The following ZFAND3 variants were observed in gnomAD, a reference collection of about 807,000 sequenced individuals.
ZFAND3 encodes the protein AN1-type zinc finger protein 3.
In ZFAND3, 10 loss-of-function variants were observed where a neutral mutation model predicts 29.6. That is an observed-to-expected ratio of 0.34 (90% confidence interval 0.21 to 0.57). The LOEUF (loss-of-function observed/expected upper bound fraction) is 0.57, where lower values mean the gene tolerates loss of function less well. ZFAND3 is among the 20% of genes least tolerant of loss of function. The probability of loss-of-function intolerance (pLI) is 0.86; values close to 1 mark genes in which losing one functional copy is unlikely to be tolerated. For missense variants in ZFAND3, 230 were observed against 304.5 expected, an observed-to-expected ratio of 0.76 and a Z score of 1.82; for synonymous variants, 128 against 112.6, an observed-to-expected ratio of 1.14 and a Z score of -0.87.
intron 2 of ZFAND3, among the ~76,000 whole-genome samples, chr6:37,996,139 AAAAG>A (rs1318519717): frequency 6.6e-6 from 1 of 152,282 alleles, no homozygotes; most frequent in African/African-American, 2.4e-5. Flanking sequence ...CAAAAAAAAA[AAAAG>A]AGACTCTTAT....
intron 1 of ZFAND3, among the ~76,000 whole-genome samples, chr6:37,896,582 CTCTT>C (rs1336261115): frequency 1.1e-5 from 1 of 92,814 alleles, no homozygotes; most frequent in Non-Finnish European, 2.2e-5. Flanking sequence ...CTCTTTCTCT[CTCTT>C]TCTCTTTTTC....
intron 2 of ZFAND3, among the ~76,000 whole-genome samples, chr6:38,060,788 T>TA (rs199975420): frequency 6.6e-6 from 1 of 151,540 alleles, no homozygotes; most frequent in Non-Finnish European, 1.5e-5. Flanking sequence ...CATTTTTTTT[T>TA]ATATACGATT....
intron 2 of ZFAND3, among the ~76,000 whole-genome samples, chr6:38,039,593 G>C (rs1763721877): frequency 6.6e-6 from 1 of 152,080 alleles, no homozygotes; most frequent in Non-Finnish European, 1.5e-5. Context: ...AACGAATTGA[G>C]GAAAAGCTAG....
chr6:38,022,422 A>G (rs1763369712), intron 2 of ZFAND3, among the ~76,000 whole-genome samples: 1 of 152,192 alleles, frequency 6.6e-6, no homozygotes, highest in Admixed American at 6.5e-5. Context: ...CTTCCTGGAG[A>G]CACTGTTTTA....
At chr6:37,942,988 T>C (rs1257997304) in intron 2 of ZFAND3, among the ~76,000 whole-genome samples, 1 of 152,166 alleles carries the variant, frequency 6.6e-6, no homozygotes, top group Non-Finnish European at 1.5e-5. Context: ...GTGACAGGTT[T>C]AGACAACATT....
chr6:38,012,583 T>C (rs1763177516), intron 2 of ZFAND3, among the ~76,000 whole-genome samples: 1 of 152,282 alleles, frequency 6.6e-6, no homozygotes, highest in South Asian at 2.1e-4. Flanking sequence ...TTCACCATAT[T>C]GGTCAGGCTG....
At chr6:37,880,312 C>T (rs1267253104) in intron 1 of ZFAND3, among the ~76,000 whole-genome samples, 1 of 152,196 alleles carries the variant, frequency 6.6e-6, no homozygotes, top group African/African-American at 2.4e-5. Flanking sequence ...AGGGATGTTG[C>T]AGCAATTCTT....
At chr6:37,884,192 AAT>A (rs1230010859) in intron 1 of ZFAND3, among the ~76,000 whole-genome samples, 2 of 145,312 alleles carry the variant, frequency 1.4e-5, no homozygotes. Context: ...GGAAAGTGAG[AAT>A]TGAGAATTAC....
chr6:38,147,926 AT>A (rs1766143630), intron 5 of ZFAND3, among the ~76,000 whole-genome samples: 2 of 151,638 alleles, frequency 1.3e-5, no homozygotes, highest in African/African-American at 2.4e-5. Context: ...TACCTGTTTG[AT>A]TATTTCCTTT....
chr6:38,124,690 C>T (rs11753391), intron 5 of ZFAND3, among the ~76,000 whole-genome samples: 10,389 of 152,148 alleles, frequency 0.068, 429 homozygotes, highest in Non-Finnish European at 0.087. Flanking sequence ...GGTTCCTGCC[C>T]GCACCTTTCC....
chr6:38,095,870 A>C (rs1337968669), intron 4 of ZFAND3, among the ~76,000 whole-genome samples: 2 of 152,042 alleles, frequency 1.3e-5, no homozygotes, highest in African/African-American at 4.8e-5. Flanking sequence ...TGTGTCTACA[A>C]TCAATACAGA....
intron 2 of ZFAND3, among the ~76,000 whole-genome samples, chr6:37,978,376 T>C (rs1466358575): frequency 6.6e-6 from 1 of 152,214 alleles, no homozygotes; most frequent in African/African-American, 2.4e-5. Flanking sequence ...TCATCATGGA[T>C]GTTGGTCTGT....
intron 2 of ZFAND3, among the ~76,000 whole-genome samples, chr6:37,960,751 T>G (rs1762180558): frequency 6.6e-6 from 1 of 152,130 alleles, no homozygotes. Flanking sequence ...TCATCTGTTC[T>G]GAGAGTTCTT....
At chr6:37,881,082 GT>G (rs1324277623) in intron 1 of ZFAND3, among the ~76,000 whole-genome samples, 1 of 150,740 alleles carries the variant, frequency 6.6e-6, no homozygotes, top group Admixed American at 6.6e-5. Flanking sequence ...TATGTTTTTT[GT>G]TTTTTTGAGA....
intron 2 of ZFAND3, among the ~76,000 whole-genome samples, chr6:38,055,059 G>A (rs1000173597): frequency 5.9e-5 from 9 of 152,168 alleles, no homozygotes; most frequent in Admixed American, 3.9e-4. Flanking sequence ...AGAGGGGATG[G>A]TGAGCAGAAC....
chr6:38,143,083 A>G (rs1213472480), intron 5 of ZFAND3: 2 of 152,302 alleles, frequency 1.3e-5, no homozygotes, highest in African/African-American at 4.8e-5. Flanking sequence ...TGGAGGCAAA[A>G]GAGTAAGCGA....
At chr6:37,820,345 G>A (rs1007695280) in intron 1 of ZFAND3, among the ~76,000 whole-genome samples, 1 of 152,242 alleles carries the variant, frequency 6.6e-6, no homozygotes, top group Non-Finnish European at 1.5e-5. Context: ...TCCGGGAGGA[G>A]CAGGGGTGCC....
chr6:38,133,974 A>G (rs1310154601), intron 5 of ZFAND3, among the ~76,000 whole-genome samples: 1 of 152,144 alleles, frequency 6.6e-6, no homozygotes, highest in Non-Finnish European at 1.5e-5. Context: ...TTTCAACCAT[A>G]CAGAATTTAG....
At chr6:38,098,175 C>T (rs1375838915) in intron 4 of ZFAND3, among the ~76,000 whole-genome samples, 1 of 152,126 alleles carries the variant, frequency 6.6e-6, no homozygotes, top group Non-Finnish European at 1.5e-5. Flanking sequence ...GATTCTCCCA[C>T]CTCAGCCTCC....
Sources: allele counts gnomAD v4.1 joint callset (sites outside exome capture counted in the v4.1 genomes callset), GRCh38; gene constraint gnomAD v4.1.1; transcripts MANE v1.5; gene names NCBI Gene and HGNC (gene_info 2026-07-23, HGNC 2026-07-21).